Variants in REV3L observed in about 807,000 individuals in gnomAD.
REV3L encodes REV3 like, DNA directed polymerase zeta catalytic subunit, also known as DNA polymerase zeta catalytic subunit.
Under a neutral mutation model 299.4 loss-of-function variants are expected in REV3L, and 69 were observed. The ratio of observed to expected loss-of-function variants is 0.23; its 90% CI spans 0.19 to 0.28. The LOEUF (loss-of-function observed/expected upper bound fraction) is 0.28. Among genes scored for constraint, REV3L ranks in the 10% least tolerant of loss-of-function variants. The probability of loss-of-function intolerance (pLI) is 1.00; values close to 1 mark genes in which losing one functional copy is unlikely to be tolerated. For synonymous variants in REV3L, 1,238 were observed against 1,271.4 expected, an observed-to-expected ratio of 0.97 and a Z score of 0.56; for missense variants, 3,128 against 3,693.8, an observed-to-expected ratio of 0.85 and a Z score of 3.97.
rs1338167895 is a variant in REV3L at position 111,335,458 on chromosome 6, T to G, written c.7680+11A>C. 2 of 1,605,138 alleles carry G rather than the reference T, an allele frequency of 1.2e-6. No homozygotes were observed. The highest frequency in any genetic ancestry group is 1.7e-5 in the Admixed American group (1 of 58,102). ...AGAACTTTCAAGTCTGCAAGAAAAC[T>G]GATTTCCCACCTGTGAACCCCTTGT... On this transcript the variant is annotated intron_variant, in intron 22 of 31. Transcript: ENST00000368802.
At chr6:111,463,987 A>G (rs1270639103) in intron 1 of REV3L, among the ~76,000 whole-genome samples, 2 of 152,204 alleles carry the variant, frequency 1.3e-5, no homozygotes, top group African/African-American at 2.4e-5. Flanking sequence ...CATGTTAAAA[A>G]GCATCCAAAA....
chr6:111,300,671 C>T (rs1240949644), intron 31 of REV3L, among the ~76,000 whole-genome samples: 1 of 152,174 alleles, frequency 6.6e-6, no homozygotes, highest in Non-Finnish European at 1.5e-5. Flanking sequence ...CCTGTCTTTA[C>T]TGCAATCTCT....
chr6:111,458,928 A>G (rs1790452308), intron 1 of REV3L, among the ~76,000 whole-genome samples: 2 of 152,156 alleles, frequency 1.3e-5, no homozygotes, highest in South Asian at 4.1e-4. Context: ...ATCAGAAAAA[A>G]CTACTCTAAA....
intron 25 of REV3L, 148 bp downstream of exon 25, chr6:111,329,384 C>T: frequency 1.7e-6 from 1 of 600,512 alleles, no homozygotes; most frequent in Non-Finnish European, 2.9e-6. Context: ...TGAGGTCTCA[C>T]TATGTTGTCC....
At chr6:111,422,601 TATATATATATACAC>T (rs1562286824) in intron 1 of REV3L, among the ~76,000 whole-genome samples, 7 of 20,306 alleles carry the variant, frequency 3.4e-4, no homozygotes, top group African/African-American at 1.0e-3. Context: ...TATACACATA[TATATATATATACAC>T]ATATATATAT....
chr6:111,450,411 C>G (rs1206901409), intron 1 of REV3L, among the ~76,000 whole-genome samples: 2 of 131,900 alleles, frequency 1.5e-5, no homozygotes, highest in African/African-American at 2.8e-5. Flanking sequence ...CCCAGGAATT[C>G]GAGGCTGCAG....
In REV3L at chr6:111,380,143, A is replaced by C. The variant is rs1780679366; in HGVS notation, c.1293T>G (p.Asn431Lys). The C allele has an allele frequency of 1.2e-6, 2 of 1,614,010 alleles. No individual in the cohort carries two copies. The highest frequency in any genetic ancestry group is 2.2e-5 in the East Asian group (1 of 44,868). ...LESDGYRGER[N>K]RMPSPCRSFG... ...AGGAGCGACATGGTGATGGCATCCT[A>C]TTTCTTTCCCCCCGATATCCATCAC... The change falls in exon 11 of 32, where the codon AAT becomes AAG. Residue 431 changes from asparagine to lysine, a missense_variant. Physicochemically the swap from Asn to Lys is moderately conservative, Grantham distance 94. Around this residue, in one of 9 missense-constraint regions of REV3L, gnomAD observed 2,409 missense variants for 2,611.8 expected, o/e 0.92. Coordinates refer to ENST00000368802, the MANE Select transcript of REV3L (RefSeq NM_001372078.1).
chr6:111,480,478 G>A (rs1793486584), intron 1 of REV3L, among the ~76,000 whole-genome samples: 1 of 152,072 alleles, frequency 6.6e-6, no homozygotes, highest in African/African-American at 2.4e-5. Flanking sequence ...TAATTCAAAA[G>A]CAGGTAATTC....
chr6:111,436,570 G>A lies in REV3L; in HGVS notation c.140-20098C>T, dbSNP rs1014665105. ...TACATGTTCTCATTCATATGTGGGA[G>A]CTAAAAAAGTGGATCTCATGAAGAT... is the stretch of plus-strand genomic sequence containing the variant. On this transcript the variant is annotated intron_variant, in intron 1 of 31. Coordinates refer to ENST00000368802, the MANE Select transcript of REV3L (RefSeq NM_001372078.1). Among the ~76,000 whole-genome samples, 3 of 152,130 alleles carry A rather than the reference G, an allele frequency of 2.0e-5. No individual in the cohort carries two copies. In the East Asian group the frequency reaches 5.8e-4, roughly 29 times the overall value.
chr6:111,365,165 C>A, intron 15 of REV3L, 100 bp downstream of exon 15: 3 of 803,612 alleles, frequency 3.7e-6, no homozygotes, highest in East Asian at 3.3e-5. Context: ...TTTAAGTAAC[C>A]AAAATTTTTT....
chr6:111,434,411 G>A (rs1244746925), intron 1 of REV3L, among the ~76,000 whole-genome samples: 6 of 151,798 alleles, frequency 4.0e-5, no homozygotes, highest in East Asian at 1.9e-4. Flanking sequence ...TCAGGAGATC[G>A]AGACCATCCT....
Position 111,374,559 on chromosome 6 carries a change from C to T in REV3L, c.3796G>A (p.Asp1266Asn), listed in dbSNP as rs745564981. 2 of 1,614,020 alleles carry T rather than the reference C, an allele frequency of 1.2e-6. No individual in the cohort carries two copies. The highest frequency in any genetic ancestry group is 1.1e-5 in the South Asian group (1 of 91,056). ...GGSQLLFKQK[D>N]MPLMGSAVDH... ...ACAGCAGAGCCCATTAGTGGCATATCTTTCTGTTTAAAAAGTAGTTGAGAG... is the reference window on the plus strand; with the variant it reads ...ACAGCAGAGCCCATTAGTGGCATATTTTTCTGTTTAAAAAGTAGTTGAGAG... The change falls in exon 13 of 32, where the codon GAT (aspartate) becomes AAT (asparagine). Residue 1266 changes from aspartate (D) to asparagine (N), a missense_variant. Asp to Asn is a conservative substitution (Grantham distance 23). Transcript: ENST00000368802.
At chr6:111,470,387 ACATTATG>A (rs1448396345) in intron 1 of REV3L, among the ~76,000 whole-genome samples, 1 of 152,194 alleles carries the variant, frequency 6.6e-6, no homozygotes, top group African/African-American at 2.4e-5. Context: ...TATGAGGTAA[ACATTATG>A]CTGCATCACT....
rs746827315 is a variant in REV3L, at chr6:111,331,699, G to C, written c.8011C>G (p.Pro2671Ala). Residue 2671 changes from proline to alanine, a missense_variant, in exon 24 of 32, where the codon CCC becomes GCC. Around this residue, in one of 9 missense-constraint regions of REV3L, gnomAD observed 149 missense variants for 286.4 expected, o/e 0.52. Coordinates refer to ENST00000368802, the MANE Select transcript of REV3L (RefSeq NM_001372078.1). ...YQVRHDITVS[P>A]NGVAFVKPSV... The stretch of plus-strand genomic sequence containing the variant: ...ACCTTGACAAAAGCTACTCCATTGG[G>C]GGACACTGTGATATCATGCCTAACT... 1 of 1,612,514 alleles carries C rather than the reference G, an allele frequency of 6.2e-7. No homozygotes were observed. The highest frequency in any genetic ancestry group is 1.3e-5 in the African/African-American group (1 of 74,976).
rs367787852 is a variant in REV3L at position 111,380,231 on chromosome 6, G to A, written c.1217-12C>T. The A allele has an allele frequency of 5.3e-5, 81 of 1,529,580 alleles. No individual in the cohort carries two copies. The highest frequency in any genetic ancestry group is 3.4e-4 in the Middle Eastern group (2 of 5,870). 94.8% of individuals were successfully genotyped at this position (1,529,580 alleles called of 1,614,324 possible). On this transcript the variant is annotated splice_polypyrimidine_tract_variant and intron_variant, in intron 10 of 31. Transcript: ENST00000368802. ...AGGACTACTGTCCACTATAAAACAA[G>A]TACAATAATCACCAACAAATAAGTT...
chr6:111,403,478 T>A (rs2128272080), intron 4 of REV3L, among the ~76,000 whole-genome samples: 1 of 152,352 alleles, frequency 6.6e-6, no homozygotes, highest in Non-Finnish European at 1.5e-5. Flanking sequence ...TTTGTGTCTC[T>A]CTGTCACATT....
intron 23 of REV3L, 28 bp downstream of exon 23, chr6:111,333,095 A>G (rs1162807653): frequency 6.2e-7 from 1 of 1,609,788 alleles, no homozygotes; most frequent in Middle Eastern, 1.7e-4. Flanking sequence ...GCACAACAAT[A>G]TTATTGTAAA....
intron 1 of REV3L, chr6:111,460,345 C>G (rs1039142848): frequency 7.2e-5 from 11 of 151,978 alleles, no homozygotes; most frequent in Admixed American, 3.3e-4. Context: ...TTCAGTCGTA[C>G]TTCAAACCTC....
chr6:111,451,218 A>T (rs979639212), intron 1 of REV3L, among the ~76,000 whole-genome samples: 5 of 152,192 alleles, frequency 3.3e-5, no homozygotes, highest in African/African-American at 1.2e-4. Flanking sequence ...CTAGTTCAGA[A>T]TATCTCACAA....
Sources: gnomAD v4.1 joint callset for allele counts (sites outside exome capture counted in the v4.1 genomes callset) on GRCh38, gnomAD v4.1.1 for gene constraint, gnomAD v4.1.1 regional missense constraint, MANE v1.5 for transcripts, NCBI Gene and HGNC (gene_info 2026-07-23, HGNC 2026-07-21) for gene names.